Variants in SMIM14 observed in about 807,000 individuals in gnomAD.
SMIM14 encodes the protein chromosome 4 open reading frame 34.
In SMIM14, 5 loss-of-function variants were observed where a neutral mutation model predicts 12.6. The observed-to-expected ratio is 0.40, with a 90% CI of 0.21 to 0.83. The LOEUF is 0.83. Ranked by LOEUF, SMIM14 falls within the 40% of genes least tolerant of loss-of-function variation. SMIM14 has a pLI of 0.37. For synonymous variants in SMIM14, 30 were observed against 40.1 expected, an observed-to-expected ratio of 0.75 and a Z score of 0.95; for missense variants, 86 against 119.1, an observed-to-expected ratio of 0.72 and a Z score of 1.29.
At chr4:39,600,309 G>A (rs1035739697) in intron 2 of SMIM14, among the ~76,000 whole-genome samples, 3 of 152,082 alleles carry the variant, frequency 2.0e-5, no homozygotes, top group Admixed American at 2.0e-4. Context: ...AAAGTGATGA[G>A]ATTATAGGCA....
At chr4:39,621,728 T>C (rs984782451) in intron 1 of SMIM14, among the ~76,000 whole-genome samples, 5 of 145,762 alleles carry the variant, frequency 3.4e-5, no homozygotes, top group Non-Finnish European at 7.5e-5. Context: ...GCTCTTGCTC[T>C]GTCACCCAGG....
Position 39,546,443 on chromosome 4 carries a change from C to T in SMIM14, c.*5683G>A, listed in dbSNP as rs1341543760. ...TGGGAAAAGATCACACAGGTAACTC[C>T]AATTTTTAAAAATATGATCATGAAA... On this transcript the variant is annotated 3_prime_UTR_variant, in exon 5 of 5. Coordinates refer to ENST00000295958, the MANE Select transcript of SMIM14 (RefSeq NM_174921.3). 6.6e-6 allele frequency: 1 copy of T among 151,448 alleles called. No individual in the cohort carries two copies. Among genetic ancestry groups the T allele is most frequent in the Non-Finnish European group, 1.5e-5 (1 of 67,926 alleles). 9.4% of individuals were successfully genotyped at this position (151,448 alleles called of 1,614,324 possible).
At chr4:39,554,830 A>ATTTTTT (rs34845808) in intron 4 of SMIM14, among the ~76,000 whole-genome samples, 3 of 124,018 alleles carry the variant, frequency 2.4e-5, no homozygotes, top group Non-Finnish European at 3.3e-5. Flanking sequence ...AATTCATGGA[A>ATTTTTT]TTTTTTTTTT....
intron 1 of SMIM14, among the ~76,000 whole-genome samples, chr4:39,620,614 C>T (rs1359264205): frequency 6.6e-6 from 1 of 152,100 alleles, no homozygotes; most frequent in Non-Finnish European, 1.5e-5. Context: ...GGATTATAGG[C>T]GTGAGCCATT....
In SMIM14 at chr4:39,572,803, C is replaced by T. The variant is rs373150630; in HGVS notation, c.76-340G>A. ...CACCATTGTACTCCAGCCAGGGTGA[C>T]AGAGCGAGACCTTGTCTTAAAAAAA... On this transcript the variant is annotated intron_variant, in intron 2 of 4. Coordinates refer to ENST00000295958, the MANE Select transcript of SMIM14 (RefSeq NM_174921.3). 2.5e-4 allele frequency among the ~76,000 whole-genome samples: 38 copies of T among 152,024 alleles called. No individual in the cohort carries two copies. The South Asian group carries it at 6.7e-3, about 27-fold the overall frequency.
At chr4:39,584,506 G>C (rs149624599) in intron 2 of SMIM14, among the ~76,000 whole-genome samples, 1 of 65,264 alleles carries the variant, frequency 1.5e-5, no homozygotes, top group Non-Finnish European at 3.3e-5. Flanking sequence ...AAAAAAAAAA[G>C]ACAAACAGGC....
At chr4:39,607,334 C>T (rs1242992049) in intron 1 of SMIM14, among the ~76,000 whole-genome samples, 2 of 152,084 alleles carry the variant, frequency 1.3e-5, no homozygotes, top group African/African-American at 4.8e-5. Flanking sequence ...CCATGGAAAA[C>T]CATTCTGGTT....
chr4:39,627,660 T>C (rs1425042899), intron 1 of SMIM14, among the ~76,000 whole-genome samples: 1 of 152,236 alleles, frequency 6.6e-6, no homozygotes, highest in Non-Finnish European at 1.5e-5. Flanking sequence ...TATAGTGCTC[T>C]GGAGTGTGTG....
At chr4:39,637,694 A>G (rs989759471) in intron 1 of SMIM14, among the ~76,000 whole-genome samples, 4 of 152,158 alleles carry the variant, frequency 2.6e-5, no homozygotes, top group Non-Finnish European at 5.9e-5. Context: ...AGGCTACACT[A>G]AAGGAATCTG....
chr4:39,568,048 T>C (rs1578318600), intron 3 of SMIM14, among the ~76,000 whole-genome samples: 1 of 151,714 alleles, frequency 6.6e-6, no homozygotes, highest in Non-Finnish European at 1.5e-5. Context: ...GAGGCGGAGG[T>C]GGGTGGATCA....
chr4:39,632,920 T>A (rs887985238), intron 1 of SMIM14, among the ~76,000 whole-genome samples: 5 of 152,020 alleles, frequency 3.3e-5, no homozygotes, highest in African/African-American at 1.2e-4. Context: ...TAAAACTTCA[T>A]GTAACATTTT....
intron 2 of SMIM14, chr4:39,593,548 G>C (rs1343126117): frequency 6.6e-6 from 1 of 152,116 alleles, no homozygotes; most frequent in Non-Finnish European, 1.5e-5. Flanking sequence ...TGGAAGTTCT[G>C]GCCAGGGCAA....
rs1315955263 is a variant in SMIM14, at chr4:39,546,917, G to T, written c.*5209C>A. On this transcript the variant is annotated 3_prime_UTR_variant, in exon 5 of 5. Coordinates refer to ENST00000295958, the MANE Select transcript of SMIM14 (RefSeq NM_174921.3). ...AGAACAGAAGCAAATTTTCACTTTT[G>T]TGTGTTTTTGGTACAGTGACATGTC... is the stretch of plus-strand genomic sequence containing the variant. 6.6e-6 allele frequency: 1 copy of T among 152,174 alleles called. No individual in the cohort carries two copies. Among genetic ancestry groups the T allele is most frequent in the African/African-American group, 2.4e-5 (1 of 41,440 alleles). 9.4% of individuals were successfully genotyped at this position (152,174 alleles called of 1,614,324 possible). A position where few individuals can be genotyped will look rare whatever the true frequency, so the allele number is the denominator to read the frequency against.
At chr4:39,562,761 C>G (rs539330316) in intron 3 of SMIM14, among the ~76,000 whole-genome samples, 3 of 148,630 alleles carry the variant, frequency 2.0e-5, no homozygotes, top group African/African-American at 7.8e-5. Flanking sequence ...CCCACCTTGG[C>G]CTCCCAAAGT....
intron 1 of SMIM14, among the ~76,000 whole-genome samples, chr4:39,609,321 A>G (rs1201395328): frequency 6.6e-6 from 1 of 152,080 alleles, no homozygotes. Flanking sequence ...TGGTATGTAA[A>G]TCATATCTCA....
intron 2 of SMIM14, among the ~76,000 whole-genome samples, chr4:39,603,892 T>A (rs769303270): frequency 6.6e-6 from 1 of 151,446 alleles, no homozygotes; most frequent in Non-Finnish European, 1.5e-5. Context: ...GCACCTGCAA[T>A]CCCAGCTACT....
intron 1 of SMIM14, among the ~76,000 whole-genome samples, chr4:39,632,172 C>T (rs946010510): frequency 6.6e-5 from 10 of 152,118 alleles, no homozygotes; most frequent in African/African-American, 1.9e-4. Context: ...GTACTTTCCT[C>T]TCCTCAGAGA....
chr4:39,580,940 A>G (rs938065669), intron 2 of SMIM14, among the ~76,000 whole-genome samples: 12 of 152,276 alleles, frequency 7.9e-5, no homozygotes, highest in Admixed American at 3.9e-4. Context: ...TAAATAAAAT[A>G]TTAATGTACA....
At chr4:39,627,919 C>A (rs1715756528) in intron 1 of SMIM14, among the ~76,000 whole-genome samples, 1 of 152,128 alleles carries the variant, frequency 6.6e-6, no homozygotes, top group Non-Finnish European at 1.5e-5. Context: ...ATATCATAAC[C>A]ATAAGTTTCA....
Sources: allele counts gnomAD v4.1 joint callset (sites outside exome capture counted in the v4.1 genomes callset), GRCh38; gene constraint gnomAD v4.1.1; transcripts MANE v1.5; gene names NCBI Gene and HGNC (gene_info 2026-07-23, HGNC 2026-07-21).